The following TRDN variants were observed in gnomAD, a reference collection of about 807,000 sequenced individuals.
The protein encoded by TRDN is triadin in skeletal muscle.
A neutral mutation model predicts 149.7 loss-of-function variants in TRDN; 161 were observed. That is an observed-to-expected ratio of 1.08 (90% CI 0.95 to 1.23). TRDN has a LOEUF of 1.23. Among genes scored for constraint, TRDN ranks in the 50% most tolerant of loss-of-function variants. TRDN has a pLI of 0.00. For synonymous variants in TRDN, 294 were observed against 250.5 expected (o/e 1.17, Z -1.64); for missense variants, 896 against 823.5 (o/e 1.09, Z -1.08).
At chr6:123,560,122 G>A (rs1277160837) in intron 2 of TRDN, among the ~76,000 whole-genome samples, 8 of 152,166 alleles carry the variant, frequency 5.3e-5, no homozygotes, top group East Asian at 1.9e-4. Flanking sequence ...GTCTGCGTGC[G>A]GCGGCTGCCG....
At chr6:123,218,884 T>C in intron 40 of TRDN, 144 bp from the exon 41 acceptor site, 3 of 790,542 alleles carry the variant, frequency 3.8e-6, no homozygotes, top group Non-Finnish European at 5.9e-6. Context: ...CTTCACTGTG[T>C]CTTGGAGTCT....
chr6:123,559,988 C>A (rs1415609952), intron 2 of TRDN, among the ~76,000 whole-genome samples: 5 of 152,186 alleles, frequency 3.3e-5, no homozygotes, highest in Non-Finnish European at 7.3e-5. Context: ...TGTACTGCCA[C>A]AAGGCTTCAC....
chr6:123,479,039 G>T (rs745596048), intron 9 of TRDN, among the ~76,000 whole-genome samples: 2 of 152,122 alleles, frequency 1.3e-5, no homozygotes, highest in Non-Finnish European at 2.9e-5. Flanking sequence ...TATTAAAAGT[G>T]AAAATTATTG....
At position 123,522,976 on chromosome 6, in the gene TRDN, C is replaced by T. The variant is rs116043451; in HGVS notation, c.485-6770G>A. On this transcript the variant is annotated intron_variant, in intron 5 of 40. Coordinates refer to ENST00000334268, the MANE Select transcript of TRDN (RefSeq NM_006073.4). ...ATCATAAAAGGGAGTGGCAAGGCTG[C>T]CCTAGAACATACATGAAGACAAACA... 2.5e-3 allele frequency among the ~76,000 whole-genome samples: 383 copies of T among 152,138 alleles called. 3 individuals carry two copies. The highest frequency in any genetic ancestry group is 8.6e-3 in the African/African-American group (357 of 41,536).
At chr6:123,348,980 T>C (rs750388146) in intron 21 of TRDN, among the ~76,000 whole-genome samples, 23 of 152,126 alleles carry the variant, frequency 1.5e-4, no homozygotes, top group Non-Finnish European at 2.8e-4. Context: ...AAATATTGCA[T>C]GGCAGAAAGC....
intron 21 of TRDN, among the ~76,000 whole-genome samples, chr6:123,337,898 T>C (rs1207211219): frequency 6.6e-6 from 1 of 152,062 alleles, no homozygotes; most frequent in Non-Finnish European, 1.5e-5. Context: ...CTATGCCATA[T>C]ATACAAAAAA....
chr6:123,515,161 C>CA (rs1414398001), intron 6 of TRDN, among the ~76,000 whole-genome samples: 2 of 151,038 alleles, frequency 1.3e-5, no homozygotes, highest in Non-Finnish European at 3.0e-5. Context: ...AACAGGCCTC[C>CA]AAAAAAGGGA....
chr6:123,613,073 A>G (rs1042645794), intron 1 of TRDN, among the ~76,000 whole-genome samples: 2 of 152,228 alleles, frequency 1.3e-5, no homozygotes, highest in African/African-American at 4.8e-5. Context: ...GAAAAGTAGT[A>G]CATTTGGTTA....
In TRDN at chr6:123,250,702, C is replaced by G. The variant is rs374646907; in HGVS notation, c.1975+1710G>C. On this transcript the variant is annotated intron_variant, in intron 38 of 40. Transcript: ENST00000334268. ...ATATTTTTCTTTCTGATATATTTTTCTTTTCAGTTACTGCTCATAATCTTA... is the reference window on the plus strand; with the variant it reads ...ATATTTTTCTTTCTGATATATTTTTGTTTTCAGTTACTGCTCATAATCTTA... Among the ~76,000 whole-genome samples the G allele has an allele frequency of 4.6e-5, 7 of 151,964 alleles. No homozygotes were observed. The East Asian group carries it at 7.7e-4, about 17-fold the overall frequency.
chr6:123,563,269 C>G (rs747383626), intron 2 of TRDN, among the ~76,000 whole-genome samples: 1 of 152,102 alleles, frequency 6.6e-6, no homozygotes, highest in Non-Finnish European at 1.5e-5. Flanking sequence ...CAAAATTGTG[C>G]GACAGATGTT....
chr6:123,335,549 G>A (rs573532994), intron 22 of TRDN, among the ~76,000 whole-genome samples: 20 of 151,904 alleles, frequency 1.3e-4, no homozygotes, highest in Non-Finnish European at 2.2e-4. Flanking sequence ...AGTGGTCAGT[G>A]TGGATTTATT....
chr6:123,504,000 G>A, intron 7 of TRDN, 99 bp from the exon 8 acceptor site: 1 of 1,310,308 alleles, frequency 7.6e-7, no homozygotes, highest in African/African-American at 1.5e-5. Context: ...AAGAAAGAGG[G>A]AAGAAAGGTA....
At chr6:123,382,448 T>C (rs747615530) in intron 14 of TRDN, among the ~76,000 whole-genome samples, 19 of 151,850 alleles carry the variant, frequency 1.3e-4, no homozygotes, top group Non-Finnish European at 2.2e-4. Flanking sequence ...AGAAATTTTG[T>C]TTTGCCTATG....
intron 8 of TRDN, chr6:123,503,340 A>G: frequency 1.0e-6 from 1 of 985,316 alleles, no homozygotes; most frequent in Non-Finnish European, 1.2e-6. Context: ...CTCCTTAGGA[A>G]TTGCTGTCAT....
intron 9 of TRDN, among the ~76,000 whole-genome samples, chr6:123,486,563 C>T (rs1373514086): frequency 6.6e-6 from 1 of 151,790 alleles, no homozygotes; most frequent in Non-Finnish European, 1.5e-5. Context: ...TTGTATAAAC[C>T]AAATAGAGCA....
chr6:123,606,749 C>G (rs1339598960), intron 1 of TRDN, among the ~76,000 whole-genome samples: 1 of 152,020 alleles, frequency 6.6e-6, no homozygotes, highest in African/African-American at 2.4e-5. Flanking sequence ...TATTATGTAG[C>G]AATTTTCAAA....
chr6:123,490,488 T>G (rs777511249), intron 9 of TRDN, among the ~76,000 whole-genome samples: 6 of 152,212 alleles, frequency 3.9e-5, no homozygotes, highest in Non-Finnish European at 7.3e-5. Flanking sequence ...ATTTGATATT[T>G]TCAGACTGTG....
At chr6:123,269,007 A>G (rs942262009) in intron 31 of TRDN, among the ~76,000 whole-genome samples, 1 of 151,922 alleles carries the variant, frequency 6.6e-6, no homozygotes, top group Non-Finnish European at 1.5e-5. Context: ...TCACACGTTC[A>G]CCTTTGGGTC....
intron 9 of TRDN, among the ~76,000 whole-genome samples, chr6:123,478,477 A>G (rs1173595571): frequency 6.6e-6 from 1 of 152,176 alleles, no homozygotes; most frequent in South Asian, 2.1e-4. Flanking sequence ...TCTGAACAAT[A>G]TTTCTATCAA....
Sources: gnomAD v4.1 joint callset for allele counts (sites outside exome capture counted in the v4.1 genomes callset) on GRCh38, gnomAD v4.1.1 for gene constraint, MANE v1.5 for transcripts, NCBI Gene and HGNC (gene_info 2026-07-23, HGNC 2026-07-21) for gene names.